The following MCTP1 variants were observed in gnomAD, a reference collection of about 807,000 sequenced individuals.
The protein encoded by MCTP1 is multiple C2 and transmembrane domain-containing protein 1.
A neutral mutation model predicts 120.6 loss-of-function variants in MCTP1; 69 were observed. The observed-to-expected ratio is 0.57, with a 90% CI of 0.47 to 0.70. The LOEUF (loss-of-function observed/expected upper bound fraction) is 0.70. Ranked by LOEUF, MCTP1 falls within the 30% of genes least tolerant of loss-of-function variation. The pLI is 0.00. For synonymous variants in MCTP1, 529 were observed against 493.1 expected (o/e 1.07, Z -0.96); for missense variants, 1,203 against 1,248.8 (o/e 0.96, Z 0.55).
chr5:95,073,764 A>G (rs1333632592), intron 1 of MCTP1, among the ~76,000 whole-genome samples: 1 of 152,150 alleles, frequency 6.6e-6, no homozygotes, highest in Non-Finnish European at 1.5e-5. Context: ...CCTCTCCTTG[A>G]AGCATTCTTG....
chr5:95,076,481 C>T (rs1753606940), intron 1 of MCTP1, among the ~76,000 whole-genome samples: 1 of 148,846 alleles, frequency 6.7e-6, no homozygotes, highest in South Asian at 2.1e-4. Context: ...GAATCCCTAT[C>T]TTAAAATAGT....
intron 1 of MCTP1, among the ~76,000 whole-genome samples, chr5:95,187,305 T>C (rs149802195): frequency 1.3e-5 from 2 of 152,270 alleles, no homozygotes; most frequent in East Asian, 3.9e-4. Flanking sequence ...TGCAACAACG[T>C]GGTTGGAAAA....
intron 17 of MCTP1, among the ~76,000 whole-genome samples, chr5:94,827,556 G>T (rs991528863): frequency 1.3e-5 from 2 of 152,148 alleles, no homozygotes; most frequent in African/African-American, 4.8e-5. Flanking sequence ...ATCCCGAAGT[G>T]TATTTTCCAA....
chr5:94,826,072 T>C (rs1351853994), intron 17 of MCTP1: 3 of 308,328 alleles, frequency 9.7e-6, no homozygotes, highest in Non-Finnish European at 1.9e-5. Flanking sequence ...CTTTGAAGGA[T>C]CACAGGAAGT....
intron 17 of MCTP1, among the ~76,000 whole-genome samples, chr5:94,831,315 T>A (rs981222052): frequency 6.6e-6 from 1 of 152,238 alleles, no homozygotes; most frequent in African/African-American, 2.4e-5. Flanking sequence ...AATGGGCCTA[T>A]AGATTATGTT....
chr5:94,750,241 T>G (rs1767972475), intron 19 of MCTP1, among the ~76,000 whole-genome samples: 1 of 152,228 alleles, frequency 6.6e-6, no homozygotes, highest in African/African-American at 2.4e-5. Context: ...TCATTGCTGT[T>G]CCCCTAGTTA....
chr5:94,987,319 C>T (rs137976218), intron 2 of MCTP1, among the ~76,000 whole-genome samples: 2 of 152,262 alleles, frequency 1.3e-5, no homozygotes, highest in East Asian at 3.9e-4. Flanking sequence ...TTGCAGGGTA[C>T]TGTGGTACAG....
At chr5:95,030,632 C>A (rs1280029825) in intron 1 of MCTP1, among the ~76,000 whole-genome samples, 1 of 152,146 alleles carries the variant, frequency 6.6e-6, no homozygotes, top group Admixed American at 6.5e-5. Flanking sequence ...ATGCAACATG[C>A]ACCACAGTCA....
At chr5:95,036,105 T>C (rs1841249674) in intron 1 of MCTP1, among the ~76,000 whole-genome samples, 7 of 152,128 alleles carry the variant, frequency 4.6e-5, no homozygotes, top group Admixed American at 4.6e-4. Context: ...AAAAAGTGCA[T>C]AGCTACCAGT....
At chr5:94,811,304 G>A (rs1342656387) in intron 17 of MCTP1, among the ~76,000 whole-genome samples, 2 of 152,178 alleles carry the variant, frequency 1.3e-5, no homozygotes, top group Non-Finnish European at 2.9e-5. Context: ...TGAGCACTAA[G>A]TATACATTTC....
chr5:94,909,428 A>G (rs1481668809), intron 9 of MCTP1, 47 bp from the exon 10 acceptor site: 1 of 1,561,708 alleles, frequency 6.4e-7, no homozygotes, highest in South Asian at 1.2e-5. Flanking sequence ...GCTTTTTAAA[A>G]AAAACTTCAA....
chr5:94,966,018 A>G (rs1052013666), intron 2 of MCTP1, among the ~76,000 whole-genome samples: 1 of 152,200 alleles, frequency 6.6e-6, no homozygotes, highest in African/African-American at 2.4e-5. Flanking sequence ...TTTATAGATT[A>G]CTCAGTCCCA....
chr5:94,954,622 A>G (rs1822098998), intron 2 of MCTP1, among the ~76,000 whole-genome samples: 1 of 152,198 alleles, frequency 6.6e-6, no homozygotes, highest in Non-Finnish European at 1.5e-5. Flanking sequence ...CATAGAGATT[A>G]ATCTGATCTT....
At chr5:95,068,309 GGA>G (rs1751205328) in intron 1 of MCTP1, among the ~76,000 whole-genome samples, 1 of 152,116 alleles carries the variant, frequency 6.6e-6, no homozygotes, top group Non-Finnish European at 1.5e-5. Flanking sequence ...AGAGAAGAGA[GGA>G]GACAGAGAAA....
At chr5:95,237,376 T>C (rs1755664941) in intron 1 of MCTP1, among the ~76,000 whole-genome samples, 1 of 152,156 alleles carries the variant, frequency 6.6e-6, no homozygotes. Flanking sequence ...CCATTAAAAA[T>C]AACGGAGTAA....
intron 19 of MCTP1, among the ~76,000 whole-genome samples, chr5:94,759,235 C>A (rs1039842262): frequency 6.6e-6 from 1 of 152,106 alleles, no homozygotes; most frequent in Non-Finnish European, 1.5e-5. Context: ...CATTAATTCC[C>A]GAGAAAAGAC....
chr5:94,871,001 T>G, intron 14 of MCTP1, 28 bp from the exon 15 acceptor site: 1 of 1,571,062 alleles, frequency 6.4e-7, no homozygotes, highest in South Asian at 1.1e-5. Flanking sequence ...GACAGCCGTC[T>G]GTCTCGCGGT....
In MCTP1 at chr5:94,911,361, G is replaced by A. The variant is rs552575828; in HGVS notation, c.1521+1445C>T. On this transcript the variant is annotated intron_variant, in intron 9 of 22. Transcript: ENST00000515393. The stretch of plus-strand genomic sequence containing the variant: ...TATGGTTTGGCTCTGTGTATCCACC[G>A]AAATCTCATGTCATATTGTACTCCC... Among the ~76,000 whole-genome samples the A allele has an allele frequency of 1.6e-3, 243 of 152,240 alleles. 1 individual carries two copies. Among genetic ancestry groups the A allele is most frequent in the Non-Finnish European group, 2.9e-3 (196 of 68,002 alleles).
intron 1 of MCTP1, among the ~76,000 whole-genome samples, chr5:95,061,479 A>G: frequency 1.0e-5 from 1 of 98,854 alleles, no homozygotes. Context: ...TCTGTCTCCC[A>G]GGCTGGAGTG....
Sources: gnomAD v4.1 joint callset for allele counts (sites outside exome capture counted in the v4.1 genomes callset) on GRCh38, gnomAD v4.1.1 for gene constraint, MANE v1.5 for transcripts, NCBI Gene and HGNC (gene_info 2026-07-23, HGNC 2026-07-21) for gene names.